The following DOCK5 variants were observed in gnomAD, a reference collection of about 807,000 sequenced individuals.
DOCK5 encodes dedicator of cytokinesis protein 5.
DOCK5 carries 142 observed loss-of-function variants against 251.8 expected under a neutral mutation model. That is an observed-to-expected ratio of 0.56 (90% CI 0.49 to 0.65). The LOEUF is 0.65. DOCK5 is among the 30% of genes least tolerant of loss of function. The pLI is 0.00. For missense variants in DOCK5, 2,111 were observed against 2,312.3 expected (o/e 0.91, Z 1.79); for synonymous variants, 842 against 835.5 (o/e 1.01, Z -0.13).
In DOCK5 at chr8:25,388,697, G is replaced by T. The variant is rs776535929; in HGVS notation, c.4132-394G>T. On this transcript the variant is annotated intron_variant, in intron 40 of 51. Coordinates refer to ENST00000276440, the MANE Select transcript of DOCK5 (RefSeq NM_024940.8). ...ATCGATTAGGAGTTTATACCTCAAT[G>T]TAAATTAATGCACTTCCTTCCTTCC... The T allele has an allele frequency of 7.1e-4, 132 of 187,054 alleles. 1 individual carries two copies. Among genetic ancestry groups the T allele is most frequent in the Non-Finnish European group, 2.5e-4 (22 of 87,304 alleles). 11.6% of individuals were successfully genotyped at this position (187,054 alleles called of 1,614,324 possible).
chr8:25,263,913 A>G (rs1803662536), intron 2 of DOCK5, among the ~76,000 whole-genome samples: 1 of 151,902 alleles, frequency 6.6e-6, no homozygotes, highest in Non-Finnish European at 1.5e-5. Context: ...CCTGATTCCC[A>G]TTCCCCAAGG....
At chr8:25,279,507 C>T (rs1313948756) in intron 5 of DOCK5, among the ~76,000 whole-genome samples, 1 of 151,698 alleles carries the variant, frequency 6.6e-6, no homozygotes, top group Non-Finnish European at 1.5e-5. Flanking sequence ...CACTCTTTCG[C>T]CCAAGCTGGA....
At chr8:25,360,206 C>T (rs1434752728) in intron 28 of DOCK5, among the ~76,000 whole-genome samples, 1 of 152,224 alleles carries the variant, frequency 6.6e-6, no homozygotes, top group Non-Finnish European at 1.5e-5. Flanking sequence ...CTGCCATGCC[C>T]ACATGGTGGA....
At chr8:25,240,314 T>G (rs563722853) in intron 1 of DOCK5, among the ~76,000 whole-genome samples, 31 of 152,226 alleles carry the variant, frequency 2.0e-4, no homozygotes, top group Non-Finnish European at 3.5e-4. Flanking sequence ...CAAGTGTAAT[T>G]TATATACCAT....
At chr8:25,293,503 A>G (rs1804544908) in intron 6 of DOCK5, among the ~76,000 whole-genome samples, 1 of 152,236 alleles carries the variant, frequency 6.6e-6, no homozygotes, top group East Asian at 1.9e-4. Context: ...AAAGAAACAG[A>G]CCAAGTGAGC....
In DOCK5 at chr8:25,210,041, T is replaced by TATATAAAA. The variant is rs1563309172; in HGVS notation, c.43+25090_43+25091insATATAAAA. ...ATATATATATATATATATAAATGTG[T>TATATAAAA]GTGTGTGTGTGTGTGTGTGTGTGTG... On this transcript the variant is annotated intron_variant, in intron 1 of 51. Transcript: ENST00000276440. Among the ~76,000 whole-genome samples the TATATAAAA allele has an allele frequency of 9.2e-4, 16 of 17,310 alleles. 5 individuals carry two copies. Among genetic ancestry groups the TATATAAAA allele is most frequent in the African/African-American group, 1.7e-3 (6 of 3,576 alleles). The allele number at this position is 17,310 out of a possible 152,430, so 11.4% of individuals were successfully genotyped here. A position where few individuals can be genotyped will look rare whatever the true frequency, so the allele number is the denominator to read the frequency against.
intron 51 of DOCK5, 60 bp from the exon 52 acceptor site, chr8:25,411,134 A>G: frequency 1.4e-6 from 2 of 1,441,380 alleles, no homozygotes; most frequent in South Asian, 1.4e-5. Context: ...ATAGGAGGAG[A>G]AGGCAGAATT....
intron 14 of DOCK5, 156 bp downstream of exon 14, chr8:25,317,287 G>T: frequency 8.7e-7 from 1 of 1,152,430 alleles, no homozygotes; most frequent in Non-Finnish European, 1.2e-6. Context: ...GATTAGCAGT[G>T]AGCAGTTTCA....
At chr8:25,223,669 G>A (rs377653435) in intron 1 of DOCK5, among the ~76,000 whole-genome samples, 89 of 152,300 alleles carry the variant, frequency 5.8e-4, no homozygotes, top group African/African-American at 2.1e-3. Flanking sequence ...AAATAAGAGC[G>A]AGTGATAAGA....
chr8:25,291,876 A>C, intron 5 of DOCK5, 148 bp from the exon 6 acceptor site: 1 of 798,110 alleles, frequency 1.3e-6, no homozygotes, highest in Non-Finnish European at 1.8e-6. Context: ...CCATCACAAA[A>C]AAAAAAAAAA....
intron 1 of DOCK5, among the ~76,000 whole-genome samples, chr8:25,189,676 T>C (rs144598576): frequency 1.3e-5 from 2 of 152,166 alleles, no homozygotes; most frequent in Admixed American, 1.3e-4. Context: ...CTTTGAAAAG[T>C]AGCTCATTGT....
chr8:25,202,512 C>T (rs1005541414), intron 1 of DOCK5, among the ~76,000 whole-genome samples: 3 of 152,124 alleles, frequency 2.0e-5, no homozygotes, highest in African/African-American at 7.2e-5. Flanking sequence ...CGTGTGAATC[C>T]CCTTACTGTG....
intron 5 of DOCK5, among the ~76,000 whole-genome samples, chr8:25,283,128 T>C (rs998672881): frequency 6.6e-6 from 1 of 152,080 alleles, no homozygotes; most frequent in African/African-American, 2.4e-5. Flanking sequence ...TAATCATAAA[T>C]ATGTCTTAAA....
chr8:25,404,222 A>C (rs1801486522), intron 48 of DOCK5, among the ~76,000 whole-genome samples: 1 of 151,844 alleles, frequency 6.6e-6, no homozygotes, highest in South Asian at 2.1e-4. Context: ...TCTTCCCCAC[A>C]CTTTTTTTAT....
At chr8:25,369,741 G>C in intron 34 of DOCK5, 100 bp downstream of exon 34, 1 of 934,818 alleles carries the variant, frequency 1.1e-6, no homozygotes, top group South Asian at 1.6e-5. Flanking sequence ...AGTAGTCTCA[G>C]AGTCACTAGG....
At chr8:25,408,973 A>G in intron 50 of DOCK5, 33 bp downstream of exon 50, 2 of 1,613,652 alleles carry the variant, frequency 1.2e-6, no homozygotes, top group Non-Finnish European at 1.7e-6. Flanking sequence ...TAGTCTTTTT[A>G]CTAGGGAATG....
At chr8:25,231,537 T>G (rs1043127066) in intron 1 of DOCK5, among the ~76,000 whole-genome samples, 7 of 152,222 alleles carry the variant, frequency 4.6e-5, no homozygotes, top group South Asian at 4.1e-4. Context: ...AATTAGGCCC[T>G]GAAACCTCCC....
intron 1 of DOCK5, among the ~76,000 whole-genome samples, chr8:25,233,947 G>A (rs908674114): frequency 6.6e-6 from 1 of 152,156 alleles, no homozygotes; most frequent in Non-Finnish European, 1.5e-5. Flanking sequence ...TTTCAGTAGG[G>A]TGTGATTCTG....
chr8:25,197,067 G>T (rs771289546), intron 1 of DOCK5, among the ~76,000 whole-genome samples: 1 of 151,880 alleles, frequency 6.6e-6, no homozygotes, highest in South Asian at 2.1e-4. Context: ...AAGAAAAATC[G>T]TTTTCCCCTT....
Sources: gnomAD v4.1 joint callset for allele counts (sites outside exome capture counted in the v4.1 genomes callset) on GRCh38, gnomAD v4.1.1 for gene constraint, MANE v1.5 for transcripts, NCBI Gene and HGNC (gene_info 2026-07-23, HGNC 2026-07-21) for gene names.